AKAP13: variants seen among roughly 807,000 people sequenced by gnomAD.
The protein encoded by AKAP13 is A-kinase anchoring protein 13.
A neutral mutation model predicts 264.5 loss-of-function variants in AKAP13; 80 were observed. That is an observed-to-expected ratio of 0.30 (90% confidence interval 0.25 to 0.36). The LOEUF (loss-of-function observed/expected upper bound fraction) is 0.36. AKAP13 is among the 10% of genes least tolerant of loss of function. The probability of loss-of-function intolerance (pLI) is 1.00; values close to 1 mark genes in which losing one functional copy is unlikely to be tolerated. For missense variants in AKAP13, 3,712 were observed against 3,435.2 expected (o/e 1.08, Z -2.01); for synonymous variants, 1,380 against 1,250.2 (o/e 1.10, Z -2.19).
chr15:85,538,635 G>A (rs567562570), intron 4 of AKAP13, among the ~76,000 whole-genome samples: 28 of 150,388 alleles, frequency 1.9e-4, no homozygotes, highest in Middle Eastern at 3.5e-3. Flanking sequence ...GACTACAGAC[G>A]CCCGCCACCA....
At chr15:85,450,552 T>C (rs2150977471) in intron 1 of AKAP13, among the ~76,000 whole-genome samples, 1 of 152,334 alleles carries the variant, frequency 6.6e-6, no homozygotes, top group East Asian at 1.9e-4. Context: ...TCTGTTATGT[T>C]GTATCTTTGT....
intron 1 of AKAP13, among the ~76,000 whole-genome samples, chr15:85,384,442 C>T (rs748957419): frequency 5.3e-5 from 8 of 152,158 alleles, no homozygotes; most frequent in East Asian, 1.9e-4. Context: ...CATAGCCTGG[C>T]GCAGTGGCTC....
Position 85,458,067 on chromosome 15 carries a change from G to A in AKAP13, c.-11-27643G>A, listed in dbSNP as rs1042251838. ...AGGCAGGAGAATTGCTTGAACCCGG[G>A]AAGCAGAGGTTGCAGTGAGCCGAGA... On this transcript the variant is annotated intron_variant, in intron 1 of 36. Coordinates refer to ENST00000394518, the MANE Select transcript of AKAP13 (RefSeq NM_007200.5). Among the ~76,000 whole-genome samples, 72 of 150,502 alleles carry A rather than the reference G, an allele frequency of 4.8e-4. 1 individual carries two copies.
rs1201065070 is a variant in AKAP13, at chr15:85,669,577, A to C, written c.4993-145A>C. ...AGTAGCAGGAGCAGACTTTAACCTA[A>C]GTCTGTCTGACCACAAGGCCTGTGC... On this transcript the variant is annotated intron_variant, in intron 13 of 36. Coordinates refer to ENST00000394518, the MANE Select transcript of AKAP13 (RefSeq NM_007200.5). 7 of 533,124 alleles carry C rather than the reference A, an allele frequency of 1.3e-5. No individual in the cohort carries two copies. In the Admixed American group the frequency reaches 2.3e-4, roughly 17 times the overall value. The allele number at this position is 533,124 out of a possible 1,614,324, so 33.0% of individuals were successfully genotyped here.
chr15:85,485,394 T>TA (rs1467328143), intron 1 of AKAP13, among the ~76,000 whole-genome samples: 1 of 152,204 alleles, frequency 6.6e-6, no homozygotes, highest in East Asian at 1.9e-4. Context: ...TAAGTGAACA[T>TA]ACAATGGTTT....
chr15:85,393,062 T>C (rs2070943810), intron 1 of AKAP13, among the ~76,000 whole-genome samples: 1 of 152,234 alleles, frequency 6.6e-6, no homozygotes, highest in African/African-American at 2.4e-5. Flanking sequence ...TAATCTATCA[T>C]CCTTGTCTTG....
At chr15:85,667,057 G>T in intron 13 of AKAP13, among the ~76,000 whole-genome samples, 1 of 152,088 alleles carries the variant, frequency 6.6e-6, no homozygotes, top group East Asian at 1.9e-4. Flanking sequence ...AACTGTTTTT[G>T]AATAGATGAC....
intron 9 of AKAP13, among the ~76,000 whole-genome samples, chr15:85,639,754 A>G (rs902247152): frequency 6.6e-6 from 1 of 152,212 alleles, no homozygotes; most frequent in Admixed American, 6.5e-5. Flanking sequence ...ATATACTGTT[A>G]ACCAAACCTG....
At chr15:85,541,048 G>A (rs1170995966) in intron 4 of AKAP13, among the ~76,000 whole-genome samples, 2 of 152,216 alleles carry the variant, frequency 1.3e-5, no homozygotes, top group Non-Finnish European at 2.9e-5. Context: ...AGGATTAACT[G>A]GAAAGTGGCA....
Position 85,718,042 on chromosome 15 carries a change from G to A in AKAP13, c.5884G>A (p.Gly1962Arg). The change falls in exon 22 of 37, where the codon GGA (glycine) becomes AGA (arginine). Residue 1962 changes from glycine to arginine, a missense_variant. By Grantham distance (125) the Gly-to-Arg change is moderately radical. This residue lies in a region of AKAP13 where 2,759 missense variants were observed against 2,411.7 expected (regional missense o/e 1.14). Transcript: ENST00000394518. The surrounding 1 kb of genome is among the most constrained non-coding windows in gnomAD (Gnocchi z 4.9). ...GTDMNEGQLL[G>R]DFEIESKQLE... ...AGACATGAATGAAGGACAACTACTG[G>A]GAGACTTTGAGATTGAGTCCAAACA... 6.2e-7 allele frequency: 1 copy of A among 1,614,070 alleles called. No homozygotes were observed. The highest frequency in any genetic ancestry group is 1.7e-4 in the Middle Eastern group (1 of 6,060).
chr15:85,489,902 G>A (rs1393434450), intron 2 of AKAP13, among the ~76,000 whole-genome samples: 5 of 152,180 alleles, frequency 3.3e-5, no homozygotes, highest in Non-Finnish European at 7.3e-5. Context: ...CAGGACCCTG[G>A]CCTGAAACTT....
At chr15:85,517,545 A>G (rs1194914124) in intron 2 of AKAP13, among the ~76,000 whole-genome samples, 1 of 152,210 alleles carries the variant, frequency 6.6e-6, no homozygotes, top group Non-Finnish European at 1.5e-5. Context: ...TTTAAACTTA[A>G]TATATAAAGG....
At chr15:85,731,974 T>C (rs2151754394) in intron 30 of AKAP13, among the ~76,000 whole-genome samples, 1 of 151,380 alleles carries the variant, frequency 6.6e-6, no homozygotes, top group East Asian at 1.9e-4. Flanking sequence ...TCCCAGCTCC[T>C]CAGGAGGCTG....
intron 10 of AKAP13, among the ~76,000 whole-genome samples, chr15:85,648,331 A>G (rs542903450): frequency 9.9e-5 from 15 of 152,038 alleles, no homozygotes; most frequent in African/African-American, 2.9e-4. Context: ...CTTCCTTGCA[A>G]CCTCCTAGGT....
At position 85,719,105 on chromosome 15, in the gene AKAP13, C is replaced by T. The variant is rs934979969; in HGVS notation, c.6031C>T (p.Arg2011Cys). The change falls in exon 23 of 37, where the codon CGC becomes TGC. Residue 2011 changes from arginine to cysteine, a missense_variant. Transcript: ENST00000394518. ...GATGCAGACAGAGTTTCATCATGTCCGCACTCTCAAGATCATGAGTGGTGT... is the reference window on the plus strand; with the variant it reads ...GATGCAGACAGAGTTTCATCATGTCTGCACTCTCAAGATCATGAGTGGTGT... ...ELMQTEFHHVRTLKIMSGVYS... is the reference protein window; with the variant it reads ...ELMQTEFHHVCTLKIMSGVYS... 9 of 1,613,974 alleles carry T rather than the reference C, an allele frequency of 5.6e-6. No individual in the cohort carries two copies. The highest frequency in any genetic ancestry group is 1.7e-4 in the Middle Eastern group (1 of 6,054).
At chr15:85,446,710 C>CTTTTTTTTTTTT (rs67306030) in intron 1 of AKAP13, among the ~76,000 whole-genome samples, 2 of 124,422 alleles carry the variant, frequency 1.6e-5, no homozygotes, top group Non-Finnish European at 3.3e-5. Context: ...TTTTCTTTTT[C>CTTTTTTTTTTTT]TTTTTTTTTT....
chr15:85,554,963 G>A (rs1431870898), intron 5 of AKAP13, among the ~76,000 whole-genome samples: 6 of 152,118 alleles, frequency 3.9e-5, no homozygotes, highest in Non-Finnish European at 7.4e-5. Context: ...TCAAGGATGT[G>A]CCTTCTTTTT....
Position 85,437,103 on chromosome 15 carries a change from A to T in AKAP13, c.-11-48607A>T, listed in dbSNP as rs574987014. 7.2e-3 allele frequency among the ~76,000 whole-genome samples: 1,061 copies of T among 147,846 alleles called. 22 individuals carry two copies. Among genetic ancestry groups the T allele is most frequent in the African/African-American group, 0.025 (1,007 of 39,800 alleles). ...CTAATAAAGAAAAAAAGAGAGAAGA[A>T]TCAAATAGACACAATAAAAAATGAT... On this transcript the variant is annotated intron_variant, in intron 1 of 36. Coordinates refer to ENST00000394518, the MANE Select transcript of AKAP13 (RefSeq NM_007200.5).
rs763798839 is a variant in AKAP13, at chr15:85,727,237, A to G, written c.6994A>G (p.Ile2332Val). ...NSWIQIIQDT[I>V]NTLNRDEDEG... ...CTGGATTCAGATCATTCAGGACACAATCAACACCCTGTAAGTTAACCACCA... is the reference window on the plus strand; with the variant it reads ...CTGGATTCAGATCATTCAGGACACAGTCAACACCCTGTAAGTTAACCACCA... The change falls in exon 28 of 37, where the codon ATC becomes GTC. Residue 2332 changes from isoleucine (I) to valine (V), a missense_variant. By Grantham distance (29) the Ile-to-Val change is conservative (BLOSUM62 3). This residue lies in a region of AKAP13 where 342 missense variants were observed against 484.3 expected (regional missense o/e 0.71). Transcript: ENST00000394518. This position sits in a 1 kb window ranked among gnomAD's most constrained non-coding sequence, Gnocchi z 5.3. The G allele has an allele frequency of 9.3e-6, 15 of 1,614,048 alleles. No homozygotes were observed. Among genetic ancestry groups the G allele is most frequent in the East Asian group, 2.2e-5 (1 of 44,894 alleles).
Sources: gnomAD v4.1 joint callset for allele counts (sites outside exome capture counted in the v4.1 genomes callset) on GRCh38, gnomAD v4.1.1 for gene constraint, gnomAD v4.1.1 regional missense constraint, Gnocchi (gnomAD v3.1) non-coding constraint, MANE v1.5 for transcripts, NCBI Gene and HGNC (gene_info 2026-07-23, HGNC 2026-07-21) for gene names.